NBAS: variants seen among roughly 807,000 people sequenced by gnomAD.
The protein encoded by NBAS is NAG/BC035112 fusion.
Under a neutral mutation model 302.5 loss-of-function variants are expected in NBAS, and 219 were observed. The ratio of observed to expected loss-of-function variants is 0.72; its 90% CI spans 0.65 to 0.81. The LOEUF is 0.81. Among genes scored for constraint, NBAS ranks in the 30% least tolerant of loss-of-function variants. NBAS has a pLI of 0.00. For missense variants in NBAS, 2,932 were observed against 2,841.6 expected, an observed-to-expected ratio of 1.03 and a Z score of -0.72; for synonymous variants, 1,118 against 1,021.6, an observed-to-expected ratio of 1.09 and a Z score of -1.80.
chr2:15,067,419 GGAGGGGAGAGGAGGGGAGA>G, the NBAS span, among the ~76,000 whole-genome samples: 6 of 27,178 alleles, frequency 2.2e-4, no homozygotes, highest in African/African-American at 1.0e-3. Flanking sequence ...GGAGGGGAGA[GGAGGGGAGAGGAGGGGAGA>G]GGAGGGGAGA....
the NBAS span, among the ~76,000 whole-genome samples, chr2:14,885,590 G>A: frequency 2.0e-5 from 3 of 152,222 alleles, no homozygotes; most frequent in Non-Finnish European, 2.9e-5. Flanking sequence ...ATCCACATGC[G>A]GATGGAATTT....
At chr2:15,502,090 C>T (rs1661596824) in intron 11 of NBAS, among the ~76,000 whole-genome samples, 4 of 152,106 alleles carry the variant, frequency 2.6e-5, no homozygotes, top group Admixed American at 2.6e-4. Context: ...AGACAATAAC[C>T]AACCAGAAGT....
At chr2:15,394,173 T>C in intron 28 of NBAS, 54 bp downstream of exon 28, 1 of 1,518,438 alleles carries the variant, frequency 6.6e-7, no homozygotes. Context: ...GAGAAATACT[T>C]TTAAAAATAT....
At chr2:15,174,283 G>A (rs1259279071) in intron 51 of NBAS, among the ~76,000 whole-genome samples, 2 of 152,202 alleles carry the variant, frequency 1.3e-5, no homozygotes, top group South Asian at 2.1e-4. Flanking sequence ...TTGGACACTG[G>A]CCACTGTAAA....
At chr2:14,816,291 C>T in the NBAS span, among the ~76,000 whole-genome samples, 95 of 152,304 alleles carry the variant, frequency 6.2e-4, no homozygotes, top group African/African-American at 2.0e-3. Context: ...AGATTAGCAG[C>T]GGCATTAGAG....
intron 35 of NBAS, among the ~76,000 whole-genome samples, chr2:15,344,038 T>C (rs1251932336): frequency 7.0e-6 from 1 of 143,820 alleles, no homozygotes; most frequent in Non-Finnish European, 1.5e-5. Context: ...TACAGCTCAA[T>C]AAGACAAATA....
At chr2:15,422,532 A>G (rs1677261333) in intron 23 of NBAS, among the ~76,000 whole-genome samples, 1 of 151,976 alleles carries the variant, frequency 6.6e-6, no homozygotes, top group African/African-American at 2.4e-5. Flanking sequence ...TAAATAAATA[A>G]CAAAATAGTT....
the NBAS span, among the ~76,000 whole-genome samples, chr2:15,023,109 T>C: frequency 6.6e-6 from 1 of 152,172 alleles, no homozygotes; most frequent in Non-Finnish European, 1.5e-5. Flanking sequence ...TGCATATACA[T>C]ATCTGTATGC....
chr2:15,416,843 A>G lies in NBAS; in HGVS notation c.2763+684T>C, dbSNP rs72778612. On this transcript the variant is annotated intron_variant, in intron 24 of 51. Coordinates refer to ENST00000281513, the MANE Select transcript of NBAS (RefSeq NM_015909.4). ...AAAAAAAAAAAAGGAAGATAAATAT[A>G]AGATGGGGGAAAATGTGGAAGGGAA... 4.0e-3 allele frequency among the ~76,000 whole-genome samples: 613 copies of G among 151,936 alleles called. 4 individuals carry two copies. The highest frequency in any genetic ancestry group is 8.1e-3 in the South Asian group (39 of 4,790).
chr2:15,374,716 A>C lies in NBAS; in HGVS notation c.3595T>G (p.Cys1199Gly), dbSNP rs779982692. 1 of 1,612,726 alleles carries C rather than the reference A, an allele frequency of 6.2e-7. No individual in the cohort carries two copies. Residue 1199 changes from cysteine (C) to glycine (G), a missense_variant, in exon 31 of 52, where the codon TGC (cysteine) becomes GGC (glycine). Physicochemically the swap from Cys to Gly is radical, Grantham distance 159 (BLOSUM62 -3). Transcript: ENST00000281513. ...GGTCTGTCTGTTATCAGTTGTAAGC[A>C]GCACCTAGAAGAAATTAGATAAATT... ...TDSCMDLARCCLQLITDRPPA... is the reference protein window; with the variant it reads ...TDSCMDLARCGLQLITDRPPA...
the NBAS span, among the ~76,000 whole-genome samples, chr2:14,961,039 G>A: frequency 6.6e-6 from 1 of 152,118 alleles, no homozygotes. Context: ...AGATGGAGAA[G>A]ACATTGTTCT....
chr2:15,240,539 C>A (rs995975982), intron 44 of NBAS, among the ~76,000 whole-genome samples: 1 of 151,880 alleles, frequency 6.6e-6, no homozygotes, highest in African/African-American at 2.4e-5. Context: ...ATGGCGTGAA[C>A]CCGGCAGGCG....
At chr2:15,350,212 G>GT (rs1213472487) in intron 35 of NBAS, among the ~76,000 whole-genome samples, 2 of 152,008 alleles carry the variant, frequency 1.3e-5, no homozygotes, top group Non-Finnish European at 2.9e-5. Flanking sequence ...CTGAAGCTTT[G>GT]TACCAGAGTT....
the NBAS span, among the ~76,000 whole-genome samples, chr2:14,986,438 T>C: frequency 6.6e-6 from 1 of 152,048 alleles, no homozygotes; most frequent in Non-Finnish European, 1.5e-5. Flanking sequence ...GAATATAAAC[T>C]CCAGCTTACG....
At chr2:14,953,018 G>C in the NBAS span, among the ~76,000 whole-genome samples, 42 of 152,306 alleles carry the variant, frequency 2.8e-4, no homozygotes, top group Non-Finnish European at 3.5e-4. Flanking sequence ...AGAAACATGG[G>C]GCAGAAGTTG....
chr2:14,991,735 T>G, the NBAS span, among the ~76,000 whole-genome samples: 4 of 152,216 alleles, frequency 2.6e-5, no homozygotes, highest in African/African-American at 9.6e-5. Context: ...TGGTAGAATC[T>G]TGGGCCTCAC....
In NBAS at chr2:15,218,791, G is replaced by A. The variant is rs1257766715; in HGVS notation, c.6414C>T (p.Ala2138=). ...VFFRTEAILK[A]SWPQRQVDIA... is the part of the protein sequence containing the mutation. ...CCCTTACCTGTCTCTGGGGCCAGGA[G>A]GCTTTGAGAATGGCTTCAGTTCTAA... The change falls in exon 48 of 52, where the codon GCC becomes GCT. Residue 2138 remains alanine, a synonymous_variant. Coordinates refer to ENST00000281513, the MANE Select transcript of NBAS (RefSeq NM_015909.4). The A allele has an allele frequency of 6.2e-7, 1 of 1,614,256 alleles. No individual in the cohort carries two copies.
intron 40 of NBAS, among the ~76,000 whole-genome samples, chr2:15,298,438 T>C (rs531955576): frequency 6.6e-6 from 1 of 152,244 alleles, no homozygotes; most frequent in East Asian, 1.9e-4. Context: ...GGATTACTAG[T>C]TTTTCCCTCT....
chr2:15,116,814 G>A, the NBAS span, among the ~76,000 whole-genome samples: 1 of 152,156 alleles, frequency 6.6e-6, no homozygotes, highest in Admixed American at 6.5e-5. Context: ...AATTAAAACA[G>A]TGAGCTTTCT....
Sources: allele counts gnomAD v4.1 joint callset (sites outside exome capture counted in the v4.1 genomes callset), GRCh38; gene constraint gnomAD v4.1.1; transcripts MANE v1.5; gene names NCBI Gene and HGNC (gene_info 2026-07-23, HGNC 2026-07-21).